Variants in HTT observed in about 807,000 individuals in gnomAD.
The protein encoded by HTT is huntingtin.
Under a neutral mutation model 362.3 loss-of-function variants are expected in HTT, and 104 were observed. The ratio of observed to expected loss-of-function variants is 0.29; its 90% CI spans 0.24 to 0.34. The LOEUF (loss-of-function observed/expected upper bound fraction) is 0.34. HTT is among the 10% of genes least tolerant of loss of function. HTT has a pLI of 1.00. For synonymous variants in HTT, 1,577 were observed against 1,548.7 expected (o/e 1.02, Z -0.43); for missense variants, 3,301 against 3,928.6 (o/e 0.84, Z 4.27).
Position 3,200,670 on chromosome 4 carries a change from C to T in HTT, c.5576+731C>T, listed in dbSNP as rs369547020. Among the ~76,000 whole-genome samples, 3 of 152,324 alleles carry T rather than the reference C, an allele frequency of 2.0e-5. No homozygotes were observed. The East Asian group carries it at 5.8e-4, about 29-fold the overall frequency. On this transcript the variant is annotated intron_variant, in intron 41 of 66. Coordinates refer to ENST00000355072, the MANE Select transcript of HTT (RefSeq NM_001388492.1). ...GTATGGATACTGGACCTTGTGCTGCCAGGGCTCCCAGTAGGGCCAGTTCAT... is the reference window on the plus strand; with the variant it reads ...GTATGGATACTGGACCTTGTGCTGCTAGGGCTCCCAGTAGGGCCAGTTCAT...
At chr4:3,080,196 G>A (rs1712818306) in intron 1 of HTT, among the ~76,000 whole-genome samples, 1 of 151,564 alleles carries the variant, frequency 6.6e-6, no homozygotes, top group South Asian at 2.1e-4. Flanking sequence ...CTGGGTTCAA[G>A]TGATTCTTCT....
chr4:3,236,059 G>T, intron 63 of HTT, 90 bp from the exon 64 acceptor site: 1 of 938,320 alleles, frequency 1.1e-6, no homozygotes, highest in Non-Finnish European at 1.8e-6. Context: ...GATCTCCAGG[G>T]ACTCACTGGA....
At chr4:3,203,066 G>A (rs572118024) in intron 41 of HTT, 6 of 152,302 alleles carry the variant, frequency 3.9e-5, no homozygotes, top group East Asian at 1.9e-4. Context: ...GGCCCCTTTC[G>A]GTGAGCAGTG....
At chr4:3,127,145 G>A (rs898721419) in intron 11 of HTT, 119 bp from the exon 12 acceptor site, 1 of 717,978 alleles carries the variant, frequency 1.4e-6, no homozygotes, top group Non-Finnish European at 2.4e-6. Context: ...GCATCTTCAG[G>A]ATGCTGTGCA....
chr4:3,212,577 G>T lies in HTT; in HGVS notation c.6642G>T (p.Leu2214=), dbSNP rs372618829. 990 of 1,614,234 alleles carry T rather than the reference G, an allele frequency of 6.1e-4. 1 individual carries two copies. The Middle Eastern group carries it at 9.1e-3, about 15-fold the overall frequency. Residue 2214 remains leucine, a synonymous_variant, in exon 49 of 67, where the codon CTG becomes CTT. Coordinates refer to ENST00000355072, the MANE Select transcript of HTT (RefSeq NM_001388492.1). ...CTTCTGTTTCAGGGGATGCTGCACTGTATCAGTCCCTGCCCACTCTGGCCC... is the reference window on the plus strand; with the variant it reads ...CTTCTGTTTCAGGGGATGCTGCACTTTATCAGTCCCTGCCCACTCTGGCCC... ...KLNDLFGDAA[L]YQSLPTLARA...
chr4:3,214,965 T>A (rs1720328363), intron 50 of HTT, 145 bp from the exon 51 acceptor site: 1 of 632,236 alleles, frequency 1.6e-6, no homozygotes, highest in African/African-American at 1.8e-5. Flanking sequence ...GTATTGTCTG[T>A]TTGTCTAAAA....
At chr4:3,233,503 T>C in intron 61 of HTT, 150 bp downstream of exon 61, 1 of 754,796 alleles carries the variant, frequency 1.3e-6, no homozygotes, top group South Asian at 1.7e-5. Context: ...CTGAGGTCAG[T>C]GAGACGCAAG....
At chr4:3,176,361 G>A (rs556383483) in intron 33 of HTT, among the ~76,000 whole-genome samples, 1 of 152,208 alleles carries the variant, frequency 6.6e-6, no homozygotes, top group African/African-American at 2.4e-5. Context: ...GCATCAAGGG[G>A]TGGGCTTTGC....
intron 46 of HTT, 132 bp from the exon 47 acceptor site, chr4:3,209,695 G>A: frequency 9.2e-7 from 1 of 1,092,204 alleles, no homozygotes; most frequent in Non-Finnish European, 1.3e-6. Context: ...TATAGCCACA[G>A]CCTGCCGGCC....
chr4:3,118,219 T>C (rs1003470342), intron 8 of HTT, among the ~76,000 whole-genome samples: 7 of 152,244 alleles, frequency 4.6e-5, no homozygotes, highest in African/African-American at 1.7e-4. Flanking sequence ...CTGAGTCCAG[T>C]ATTTCTTATA....
At chr4:3,091,959 T>C (rs896557821) in intron 2 of HTT, among the ~76,000 whole-genome samples, 4 of 152,134 alleles carry the variant, frequency 2.6e-5, no homozygotes, top group Non-Finnish European at 5.9e-5. Context: ...CTTCATCCCA[T>C]TAGAAAATTA....
intron 19 of HTT, among the ~76,000 whole-genome samples, chr4:3,135,287 G>T (rs1716007639): frequency 6.6e-6 from 1 of 151,334 alleles, no homozygotes; most frequent in Admixed American, 6.6e-5. Context: ...TGTGGCCATT[G>T]CACTTCAGCC....
At chr4:3,118,500 A>G (rs16843866) in intron 8 of HTT, among the ~76,000 whole-genome samples, 8,685 of 152,240 alleles carry the variant, frequency 0.057, 425 homozygotes, top group African/African-American at 0.13. Context: ...TAGACAGAAA[A>G]TGTGGTCTTT....
At chr4:3,193,653 G>A (rs917565185) in intron 40 of HTT, among the ~76,000 whole-genome samples, 6 of 152,236 alleles carry the variant, frequency 3.9e-5, no homozygotes, top group African/African-American at 1.4e-4. Context: ...GCAGAGACAG[G>A]ATGTCTGCAC....
intron 64 of HTT, 76 bp downstream of exon 64, chr4:3,236,330 C>A: frequency 1.0e-6 from 1 of 986,072 alleles, no homozygotes; most frequent in Non-Finnish European, 1.6e-6. Context: ...TTGTGTGTGT[C>A]TGCTGATCCC....
At position 3,127,578 on chromosome 4, in the gene HTT, G is replaced by A. The variant is rs752120055; in HGVS notation, c.1717G>A (p.Val573Ile). 1.2e-6 allele frequency: 2 copies of A among 1,613,540 alleles called. No individual in the cohort carries two copies. The highest frequency in any genetic ancestry group is 1.7e-6 in the Non-Finnish European group (2 of 1,179,506). Residue 573 changes from valine (V) to isoleucine (I), a missense_variant, in exon 12 of 67, where the codon GTT becomes ATT. This residue lies in a region of HTT where 2,316 missense variants were observed against 2,658.5 expected (regional missense o/e 0.87). Transcript: ENST00000355072. ...QTTTEGPDSA[V>I]TPSDSSEIVL... ...CACCACCGAAGGGCCTGATTCAGCTGTTACCCCTTCAGACAGTTCTGAAAT... is the reference window on the plus strand; with the variant it reads ...CACCACCGAAGGGCCTGATTCAGCTATTACCCCTTCAGACAGTTCTGAAAT...
chr4:3,077,109 C>A (rs1712595561), intron 1 of HTT, among the ~76,000 whole-genome samples: 1 of 152,030 alleles, frequency 6.6e-6, no homozygotes, highest in South Asian at 2.1e-4. Flanking sequence ...ACCCGGGAGG[C>A]AGAGTCTGCA....
In HTT at chr4:3,125,795, C is replaced by T. The variant is rs1715495634; in HGVS notation, c.1402+166C>T. Among the ~76,000 whole-genome samples the T allele has an allele frequency of 2.0e-5, 3 of 152,294 alleles. No individual in the cohort carries two copies. The South Asian group carries it at 6.2e-4, about 32-fold the overall frequency. ...TCGGGCTTCTTTTATAATACTTACT[C>T]TGAAGCTTGTGTGTCTGTGGTGTTT... On this transcript the variant is annotated intron_variant, in intron 11 of 66. Transcript: ENST00000355072.
rs1408516151 is a variant in HTT at position 3,198,220 on chromosome 4, T to TC, written c.5369-1512_5369-1511insC. ...TTCACTTTGGGGATGTGTTGATTTTTTTTTTTTTTTTTTTTTTTTTTTTGA... is the reference window on the plus strand; with the variant it reads ...TTCACTTTGGGGATGTGTTGATTTTTCTTTTTTTTTTTTTTTTTTTTTTTGA... On this transcript the variant is annotated intron_variant, in intron 40 of 66. Transcript: ENST00000355072. Among the ~76,000 whole-genome samples, 15 of 122,368 alleles carry TC rather than the reference T, an allele frequency of 1.2e-4. No individual in the cohort carries two copies. In the South Asian group the frequency reaches 1.3e-3, roughly 11 times the overall value. The allele number at this position is 122,368 out of a possible 152,430, so 80.3% of individuals were successfully genotyped here.
Sources: gnomAD v4.1 joint callset for allele counts (sites outside exome capture counted in the v4.1 genomes callset) on GRCh38, gnomAD v4.1.1 for gene constraint, gnomAD v4.1.1 regional missense constraint, MANE v1.5 for transcripts, NCBI Gene and HGNC (gene_info 2026-07-23, HGNC 2026-07-21) for gene names.